MAGEC3: variants seen among roughly 807,000 people sequenced by gnomAD.
MAGEC3 encodes the protein melanoma-associated antigen C3.
A neutral mutation model predicts 35.3 loss-of-function variants in MAGEC3; 34 were observed. That is an observed-to-expected ratio of 0.96 (90% confidence interval 0.73 to 1.28). The LOEUF is 1.28. Ranked by LOEUF, MAGEC3 falls within the 50% of genes most tolerant of loss-of-function variation. The pLI is 0.00. For synonymous variants in MAGEC3, 202 were observed against 185.6 expected (o/e 1.09, Z -0.72); for missense variants, 561 against 483.6 (o/e 1.16, Z -1.50).
chrX:141,839,316 G>A (rs1341410084), intron 1 of MAGEC3: 2 of 552,749 alleles, frequency 3.6e-6, no homozygotes, highest in African/African-American at 5.1e-5. Context: ...TGGAGAAAGT[G>A]AGTACAAAAT....
At chrX:141,838,524 T>C (rs2017666832) in intron 1 of MAGEC3, 86 bp downstream of exon 1, 2 of 1,129,310 alleles carry the variant, frequency 1.8e-6, no homozygotes, top group East Asian at 3.0e-5. Flanking sequence ...GTTGCTTGGC[T>C]CCAAGACAGT....
At chrX:141,838,674 G>C in intron 1 of MAGEC3, 1 of 753,701 alleles carries the variant, frequency 1.3e-6, no homozygotes. Flanking sequence ...TTGCACCTAG[G>C]CCTCAATGCC....
At chrX:141,879,602 A>C (rs985661899) in intron 3 of MAGEC3, among the ~76,000 whole-genome samples, 171 bp downstream of exon 3, 2 of 109,682 alleles carry the variant, frequency 1.8e-5, no homozygotes, top group East Asian at 5.8e-4. Flanking sequence ...GTGGTCAGGA[A>C]AGTGTGGGAA....
chrX:141,838,963 G>A, intron 1 of MAGEC3: 1 of 507,704 alleles, frequency 2.0e-6, no homozygotes, highest in Non-Finnish European at 2.4e-6. Flanking sequence ...CAAGAAGTGT[G>A]AGGGACCCAG....
intron 2 of MAGEC3, among the ~76,000 whole-genome samples, chrX:141,876,091 G>C (rs1355799343): frequency 8.9e-6 from 1 of 112,247 alleles, no homozygotes; most frequent in Non-Finnish European, 1.9e-5. Flanking sequence ...AAGAACAGCT[G>C]AAAGGAAGTA....
In MAGEC3 at chrX:141,865,584, C is replaced by T. The variant is rs1233949584; in HGVS notation, c.237C>T (p.Val79=). ...GTSDQRMDSL[V]LCPTYFKLWR... The stretch of plus-strand genomic sequence containing the variant: ...CAGATCAGCGAATGGATAGTCTTGT[C>T]CTCTGCCCCACATACTTCAAGGTAA... Residue 79 remains valine (V), a synonymous_variant, in exon 2 of 8, where the codon GTC becomes GTT. Coordinates refer to ENST00000298296, the MANE Select transcript of MAGEC3 (RefSeq NM_138702.1). The T allele has an allele frequency of 8.3e-7, 1 of 1,206,737 alleles. No individual in the cohort carries two copies.
In MAGEC3 at chrX:141,895,318, T is replaced by C. The variant is rs1278417044; in HGVS notation, c.959T>C (p.Leu320Pro). Reference protein sequence around the residue: ...GFADVLSRLALWESEGPEAFC... With the variant: ...GFADVLSRLAPWESEGPEAFC... Reference sequence around the variant, plus strand: ...GCGGATGTGCTTTCCCGACTTGCACTGTGGGAGTCTGAAGGACCTGAAGCA... The same window carrying C: ...GCGGATGTGCTTTCCCGACTTGCACCGTGGGAGTCTGAAGGACCTGAAGCA... Residue 320 changes from leucine to proline, a missense_variant, in exon 5 of 8, where the codon CTG becomes CCG. Transcript: ENST00000298296. 6.6e-6 allele frequency: 8 copies of C among 1,210,702 alleles called. No homozygotes were observed. The highest frequency in any genetic ancestry group is 8.9e-6 in the Non-Finnish European group (8 of 895,139).
In MAGEC3 at chrX:141,895,283, G is replaced by GGC; in HGVS notation, c.925_926dup (p.Gly310GlnfsTer35). The GGC allele has an allele frequency of 8.3e-7, 1 of 1,210,250 alleles. No homozygotes were observed. The highest frequency in any genetic ancestry group is 1.1e-6 in the Non-Finnish European group (1 of 894,709). On this transcript the variant is annotated frameshift_variant, in exon 5 of 8. Transcript: ENST00000298296. LOFTEE classifies it high-confidence loss of function. ...TCTGCTGTCAGCCCTGGTCAGCCTT[G>GGC]GCAGGGTTCGCGGATGTGCTTTCCC...
At chrX:141,862,288 T>C (rs2017819917) in intron 1 of MAGEC3, among the ~76,000 whole-genome samples, 1 of 111,250 alleles carries the variant, frequency 9.0e-6, no homozygotes, top group African/African-American at 3.3e-5. Context: ...AAAAATCAGA[T>C]GCTGGTGAGG....
chrX:141,868,163 G>A (rs2017863245), intron 2 of MAGEC3, among the ~76,000 whole-genome samples: 1 of 111,123 alleles, frequency 9.0e-6, no homozygotes, highest in Non-Finnish European at 1.9e-5. Flanking sequence ...AAAGTATTTG[G>A]TGAGGTAGGG....
intron 4 of MAGEC3, among the ~76,000 whole-genome samples, chrX:141,892,931 T>C (rs2018053584): frequency 8.9e-6 from 1 of 112,372 alleles, no homozygotes; most frequent in Non-Finnish European, 1.9e-5. Flanking sequence ...CATAAAAGTT[T>C]TGTGAAACAC....
rs746677187 is a variant in MAGEC3, at chrX:141,897,327, T to C, written c.1569T>C (p.Tyr523=). ...LTDMDPDNHS[Y]FFEDTLDLTY... ...ATATGGACCCCGACAACCACTCCTA[T>C]TTCTTTGAAGACACATTAGACCTCA... Residue 523 remains tyrosine, a synonymous_variant, in exon 7 of 8, where the codon TAT becomes TAC. Coordinates refer to ENST00000298296, the MANE Select transcript of MAGEC3 (RefSeq NM_138702.1). 3 of 1,210,349 alleles carry C rather than the reference T, an allele frequency of 2.5e-6. No homozygotes were observed. Among genetic ancestry groups the C allele is most frequent in the African/African-American group, 3.5e-5 (2 of 57,278 alleles).
chrX:141,845,890 C>T (rs1351284417), intron 1 of MAGEC3, among the ~76,000 whole-genome samples: 1 of 109,985 alleles, frequency 9.1e-6, no homozygotes, highest in East Asian at 2.9e-4. Context: ...ACTTAAGTGC[C>T]CTCATTTGTA....
chrX:141,882,230 A>G (rs2017971777), intron 4 of MAGEC3, among the ~76,000 whole-genome samples: 1 of 111,731 alleles, frequency 9.0e-6, no homozygotes, highest in Non-Finnish European at 1.9e-5. Context: ...GGCTTGAGGG[A>G]ACAATACAGT....
chrX:141,881,452 G>C lies in MAGEC3; in HGVS notation c.565G>C (p.Asp189His). The change falls in exon 4 of 8, where the codon GAC becomes CAC. Residue 189 changes from aspartate (D) to histidine (H), a missense_variant. Transcript: ENST00000298296. ...LFTYTLDEKV[D>H]KLVQFLLLKY... ...CACTTATACACTGGATGAAAAGGTG[G>C]ACAAGTTGGTGCAGTTTCTTCTCCT... The C allele has an allele frequency of 8.3e-7, 1 of 1,210,020 alleles. No homozygotes were observed. Among genetic ancestry groups the C allele is most frequent in the Non-Finnish European group, 1.1e-6 (1 of 894,820 alleles).
In MAGEC3 at chrX:141,879,425, C is replaced by G. The variant is rs369863174; in HGVS notation, c.509C>G (p.Ala170Gly). Residue 170 changes from alanine to glycine, a missense_variant, in exon 3 of 8, where the codon GCG becomes GGG. Transcript: ENST00000298296. ...GGAAAAAGGTTGTGGGGGGAGAAAGCGGGGAGGTGGGCAGGGAAATATGGA... is the reference window on the plus strand; with the variant it reads ...GGAAAAAGGTTGTGGGGGGAGAAAGGGGGGAGGTGGGCAGGGAAATATGGA... ...SPGKRLWGEK[A>G]GSLPESEPLF... is the part of the protein sequence containing the mutation. 3.1e-5 allele frequency: 36 copies of G among 1,159,966 alleles called. No individual in the cohort carries two copies. In the African/African-American group the frequency reaches 4.8e-4, roughly 15 times the overall value.
rs1434205214 is a variant in MAGEC3 at position 141,897,672 on chromosome X, A to C, written c.1772A>C (p.Lys591Thr). 1 of 1,211,258 alleles carries C rather than the reference A, an allele frequency of 8.3e-7. No homozygotes were observed. The highest frequency in any genetic ancestry group is 2.2e-5 in the Admixed American group (1 of 45,957). The change falls in exon 8 of 8, where the codon AAG (lysine) becomes ACG (threonine). Residue 591 changes from lysine to threonine, a missense_variant. Physicochemically the swap from Lys to Thr is moderately conservative, Grantham distance 78. Transcript: ENST00000298296. ...PAREVLEFLS[K>T]LSSIIPSAFP... is the part of the protein sequence containing the mutation. The stretch of plus-strand genomic sequence containing the variant: ...AGAGAAGTCTTAGAGTTTTTATCCA[A>C]GCTATCCAGTATCATCCCTAGTGCC...
intron 2 of MAGEC3, among the ~76,000 whole-genome samples, chrX:141,870,441 GA>G (rs201937642): frequency 1.5e-4 from 17 of 109,901 alleles, no homozygotes; most frequent in African/African-American, 2.0e-4. Flanking sequence ...TTAATTTACA[GA>G]AAAAAAACCC....
chrX:141,869,781 T>A lies in MAGEC3; in HGVS notation c.258+4176T>A, dbSNP rs771631443. ...CAACTGACAAAGAAATTTGGTTATT[T>A]CTGTGGTTTACAATAACCTAACATA... On this transcript the variant is annotated intron_variant, in intron 2 of 7. Coordinates refer to ENST00000298296, the MANE Select transcript of MAGEC3 (RefSeq NM_138702.1). Among the ~76,000 whole-genome samples, 25 of 112,490 alleles carry A rather than the reference T, an allele frequency of 2.2e-4. 1 individual carries two copies. The highest frequency in any genetic ancestry group is 2.2e-3 in the Admixed American group (23 of 10,642).
Sources: gnomAD v4.1 joint callset for allele counts (sites outside exome capture counted in the v4.1 genomes callset) on GRCh38, gnomAD v4.1.1 for gene constraint, MANE v1.5 for transcripts, NCBI Gene and HGNC (gene_info 2026-07-23, HGNC 2026-07-21) for gene names.